Variants in MAMLD1 observed in about 807,000 individuals in gnomAD.
MAMLD1 encodes mastermind-like domain-containing protein 1.
MAMLD1 carries 14 observed loss-of-function variants against 45.0 expected under a neutral mutation model. The ratio of observed to expected loss-of-function variants is 0.31; its 90% confidence interval spans 0.21 to 0.49. The LOEUF (loss-of-function observed/expected upper bound fraction) is 0.49, where lower values mean the gene tolerates loss of function less well. Among genes scored for constraint, MAMLD1 ranks in the 20% least tolerant of loss-of-function variants. MAMLD1 has a pLI of 0.99. For missense variants in MAMLD1, 543 were observed against 603.6 expected, an observed-to-expected ratio of 0.90 and a Z score of 1.05; for synonymous variants, 254 against 247.8, an observed-to-expected ratio of 1.02 and a Z score of -0.24.
chrX:150,380,352 T>C (rs1186474052), intron 1 of MAMLD1, among the ~76,000 whole-genome samples: 1 of 112,011 alleles, frequency 8.9e-6, no homozygotes, highest in Admixed American at 9.5e-5. Context: ...GTTCATGTCT[T>C]TTCTCCCTTT....
chrX:150,407,565 CT>C (rs1276174248), intron 1 of MAMLD1, among the ~76,000 whole-genome samples: 5 of 110,605 alleles, frequency 4.5e-5, no homozygotes, highest in African/African-American at 1.6e-4. Context: ...ATTACTTAGG[CT>C]TTTTTTTTCC....
chrX:150,483,424 G>A (rs2036884100), intron 5 of MAMLD1, among the ~76,000 whole-genome samples: 2 of 112,646 alleles, frequency 1.8e-5, no homozygotes, highest in African/African-American at 6.5e-5. Flanking sequence ...ATATAGAGGG[G>A]AATGAACCAA....
chrX:150,422,426 T>A lies in MAMLD1; in HGVS notation c.-63-23028T>A, dbSNP rs1219405386. Among the ~76,000 whole-genome samples the A allele has an allele frequency of 2.7e-5, 3 of 111,607 alleles. No homozygotes were observed. The Admixed American group carries it at 2.8e-4, about 11-fold the overall frequency. ...AAGGGGATTGGACCTTTTTGGTGTG[T>A]GTGACAGAGACTCGCTGTGTCTCCC... is the stretch of plus-strand genomic sequence containing the variant. On this transcript the variant is annotated intron_variant, in intron 1 of 7. Coordinates refer to ENST00000370401, the MANE Select transcript of MAMLD1 (RefSeq NM_005491.5).
At chrX:150,389,385 C>A (rs367914975) in intron 1 of MAMLD1, among the ~76,000 whole-genome samples, 25 of 111,992 alleles carry the variant, frequency 2.2e-4, no homozygotes, top group African/African-American at 7.8e-4. Context: ...GAGACTTCCT[C>A]TTTGACTGAT....
At chrX:150,456,162 C>A (rs781922766) in intron 2 of MAMLD1, among the ~76,000 whole-genome samples, 6 of 110,721 alleles carry the variant, frequency 5.4e-5, no homozygotes, top group Non-Finnish European at 1.1e-4. Context: ...CCTCTGGGTT[C>A]ATTCGGGGAA....
intron 5 of MAMLD1, among the ~76,000 whole-genome samples, chrX:150,481,825 A>T (rs2036767066): frequency 9.6e-6 from 1 of 103,652 alleles, no homozygotes; most frequent in Non-Finnish European, 2.0e-5. Flanking sequence ...GAGAGACCCC[A>T]TCTCAAAAAA....
chrX:150,382,650 A>G (rs1217346650), intron 1 of MAMLD1, among the ~76,000 whole-genome samples: 1 of 111,457 alleles, frequency 9.0e-6, no homozygotes, highest in East Asian at 2.8e-4. Flanking sequence ...TTCTTTTATG[A>G]GCACAAAAAA....
chrX:150,469,627 TTC>T (rs2036339275), intron 3 of MAMLD1, 116 bp from the exon 4 acceptor site: 5 of 522,335 alleles, frequency 9.6e-6, no homozygotes, highest in Admixed American at 3.4e-5. Flanking sequence ...CTCTCTCTCT[TTC>T]TCTCTGTCTC....
At chrX:150,422,031 C>T (rs782533761) in intron 1 of MAMLD1, among the ~76,000 whole-genome samples, 1 of 112,078 alleles carries the variant, frequency 8.9e-6, no homozygotes, top group South Asian at 3.7e-4. Context: ...TGGCAAGCCT[C>T]GTAGAGTCCT....
intron 2 of MAMLD1, among the ~76,000 whole-genome samples, chrX:150,446,519 A>G (rs1289288177): frequency 3.6e-5 from 4 of 112,485 alleles, no homozygotes; most frequent in Non-Finnish European, 5.6e-5. Flanking sequence ...TAAAATTCTG[A>G]TATGTGCACA....
intron 2 of MAMLD1, among the ~76,000 whole-genome samples, chrX:150,459,995 G>A (rs1469582091): frequency 2.7e-5 from 3 of 112,055 alleles, no homozygotes; most frequent in African/African-American, 6.5e-5. Flanking sequence ...AGGCATCTCT[G>A]TTCTTCATTT....
chrX:150,481,964 A>AAAAGAAG (rs2036792503), intron 5 of MAMLD1, among the ~76,000 whole-genome samples: 1 of 56,596 alleles, frequency 1.8e-5, no homozygotes, highest in East Asian at 5.8e-4. Flanking sequence ...AAAGAAAGAA[A>AAAAGAAG]AAAGAAAGAA....
intron 5 of MAMLD1, among the ~76,000 whole-genome samples, chrX:150,502,297 T>A (rs1203581131): frequency 1.8e-5 from 2 of 112,386 alleles, no homozygotes; most frequent in Admixed American, 1.9e-4. Context: ...TGTTTGCTAA[T>A]GGACATAGAT....
At chrX:150,497,739 C>T (rs2037432423) in intron 5 of MAMLD1, among the ~76,000 whole-genome samples, 1 of 111,857 alleles carries the variant, frequency 8.9e-6, no homozygotes. Context: ...GCTCTGCGGC[C>T]ATTGCACAGT....
At chrX:150,498,576 T>A (rs2037457227) in intron 5 of MAMLD1, among the ~76,000 whole-genome samples, 1 of 112,398 alleles carries the variant, frequency 8.9e-6, no homozygotes, top group East Asian at 2.8e-4. Flanking sequence ...ATAAAAAATT[T>A]AAAAAACAAG....
chrX:150,497,910 A>G (rs1198725978), intron 5 of MAMLD1, among the ~76,000 whole-genome samples: 1 of 111,219 alleles, frequency 9.0e-6, no homozygotes, highest in East Asian at 2.8e-4. Context: ...CTAATGGGTG[A>G]TCATGGGCAG....
At chrX:150,423,437 G>T (rs1213792869) in intron 1 of MAMLD1, among the ~76,000 whole-genome samples, 3 of 18,281 alleles carry the variant, frequency 1.6e-4, no homozygotes, top group African/African-American at 3.1e-4. Context: ...AAAAGGAAAA[G>T]ACCAGCTGCT....
rs369804515 is a variant in MAMLD1 at position 150,478,903 on chromosome X, G to C, written c.2040+5101G>C. Among the ~76,000 whole-genome samples the C allele has an allele frequency of 2.6e-4, 29 of 112,275 alleles. No individual in the cohort carries two copies. The East Asian group carries it at 7.8e-3, about 30-fold the overall frequency. ...GCTGTTTTGTGTGGAACTATGATTA[G>C]ACACCGTGTAACATGCATTTTGAAA... On this transcript the variant is annotated intron_variant, in intron 5 of 7. Coordinates refer to ENST00000370401, the MANE Select transcript of MAMLD1 (RefSeq NM_005491.5).
At chrX:150,462,891 G>C in intron 3 of MAMLD1, 45 bp downstream of exon 3, 1 of 1,054,735 alleles carries the variant, frequency 9.5e-7, no homozygotes, top group Middle Eastern at 2.9e-4. Flanking sequence ...ACTTTACAGT[G>C]GGGAAACTGA....
Sources: allele counts gnomAD v4.1 joint callset (sites outside exome capture counted in the v4.1 genomes callset), GRCh38; gene constraint gnomAD v4.1.1; transcripts MANE v1.5; gene names NCBI Gene and HGNC (gene_info 2026-07-23, HGNC 2026-07-21).